ANTXR2: variants seen among roughly 807,000 people sequenced by gnomAD.
ANTXR2 encodes ANTXR cell adhesion molecule 2, also known as anthrax toxin receptor 2.
In ANTXR2, 44 loss-of-function variants were observed where a neutral mutation model predicts 73.7. The observed-to-expected ratio is 0.60, with a 90% confidence interval of 0.47 to 0.77. The LOEUF is 0.77. ANTXR2 is among the 30% of genes least tolerant of loss of function. The pLI is 0.00. For missense variants in ANTXR2, 604 were observed against 592.5 expected (o/e 1.02, Z -0.20); for synonymous variants, 217 against 205.9 (o/e 1.05, Z -0.46).
At chr4:80,022,435 C>G (rs1013408427) in intron 10 of ANTXR2, among the ~76,000 whole-genome samples, 1 of 152,178 alleles carries the variant, frequency 6.6e-6, no homozygotes, top group African/African-American at 2.4e-5. Context: ...CTGGCACCAT[C>G]ATTAAGCTAG....
intron 16 of ANTXR2, among the ~76,000 whole-genome samples, chr4:79,954,394 ATAAT>A (rs1216050984): frequency 6.6e-6 from 1 of 152,180 alleles, no homozygotes; most frequent in Non-Finnish European, 1.5e-5. Flanking sequence ...AGATGTTTTG[ATAAT>A]TAGAGTAACA....
At chr4:80,040,286 GA>G (rs1733172857) in intron 7 of ANTXR2, among the ~76,000 whole-genome samples, 1 of 151,788 alleles carries the variant, frequency 6.6e-6, no homozygotes, top group Admixed American at 6.6e-5. Flanking sequence ...AATAAAAATT[GA>G]AAGGAAAGAA....
chr4:79,911,760 T>G (rs1243406683), intron 16 of ANTXR2, among the ~76,000 whole-genome samples: 1 of 151,976 alleles, frequency 6.6e-6, no homozygotes, highest in Non-Finnish European at 1.5e-5. Flanking sequence ...ATTTTCTTTA[T>G]TTTCTGAAAA....
At chr4:79,978,205 G>A (rs185313153) in intron 14 of ANTXR2, 31 bp from the exon 15 acceptor site, 4 of 1,603,226 alleles carry the variant, frequency 2.5e-6, no homozygotes, top group Non-Finnish European at 3.4e-6. Context: ...ACTGTTATCA[G>A]ACATAAAGTG....
At chr4:79,989,781 AC>A (rs1730376173) in intron 12 of ANTXR2, among the ~76,000 whole-genome samples, 1 of 152,240 alleles carries the variant, frequency 6.6e-6, no homozygotes, top group Non-Finnish European at 1.5e-5. Flanking sequence ...AAGTTAATCC[AC>A]CATGATCCAG....
At chr4:79,993,746 A>ACACACACACACATG (rs1730585640) in intron 12 of ANTXR2, among the ~76,000 whole-genome samples, 1 of 94,030 alleles carries the variant, frequency 1.1e-5, no homozygotes, top group Non-Finnish European at 2.1e-5. Context: ...GCAATACACC[A>ACACACACACACATG]CACACACACA....
intron 11 of ANTXR2, among the ~76,000 whole-genome samples, chr4:80,012,086 T>A (rs1731612384): frequency 6.6e-6 from 1 of 152,236 alleles, no homozygotes; most frequent in Non-Finnish European, 1.5e-5. Flanking sequence ...TAGTTATTAT[T>A]GCTGCAATCT....
intron 10 of ANTXR2, 49 bp downstream of exon 10, chr4:80,031,574 T>C: frequency 3.8e-6 from 5 of 1,300,056 alleles, no homozygotes; most frequent in African/African-American, 1.6e-5. Context: ...CATTTTCTAA[T>C]AATTTTTTAC....
At chr4:79,949,802 G>A (rs977434829) in intron 16 of ANTXR2, among the ~76,000 whole-genome samples, 44 of 152,222 alleles carry the variant, frequency 2.9e-4, no homozygotes, top group Admixed American at 2.0e-3. Context: ...GCCAAGTTCC[G>A]CCCTGAACAA....
chr4:80,014,490 C>T (rs980215636), intron 11 of ANTXR2, among the ~76,000 whole-genome samples: 2 of 151,984 alleles, frequency 1.3e-5, no homozygotes, highest in East Asian at 1.9e-4. Context: ...TGCTTGAACC[C>T]GGGAAGCAGA....
rs535800603 is a variant in ANTXR2 at position 79,923,041 on chromosome 4, T to C, written c.1429-15574A>G. On this transcript the variant is annotated intron_variant, in intron 16 of 16. Transcript: ENST00000403729. Reference sequence around the variant, plus strand: ...TGTAAGCTCCATGTTTCTTTTTCACTATCATTTAACAAGTGCTTAAAACAG... The same window carrying C: ...TGTAAGCTCCATGTTTCTTTTTCACCATCATTTAACAAGTGCTTAAAACAG... Among the ~76,000 whole-genome samples, 499 of 152,224 alleles carry C rather than the reference T, an allele frequency of 3.3e-3. 1 individual carries two copies. The highest frequency in any genetic ancestry group is 6.2e-3 in the Non-Finnish European group (423 of 67,996).
chr4:80,015,836 A>G (rs561315948), intron 11 of ANTXR2, among the ~76,000 whole-genome samples: 10 of 142,264 alleles, frequency 7.0e-5, no homozygotes, highest in African/African-American at 2.6e-4. Context: ...GAGGGAGGGA[A>G]GGAAGGAAGG....
At chr4:80,041,894 G>A (rs995506784) in intron 7 of ANTXR2, among the ~76,000 whole-genome samples, 1 of 152,016 alleles carries the variant, frequency 6.6e-6, no homozygotes, top group Non-Finnish European at 1.5e-5. Context: ...TTGATTCCAT[G>A]CCTTTGCTAT....
rs531625548 is a variant in ANTXR2 at position 79,903,163 on chromosome 4, A to T, written c.*4266T>A. 2 of 152,138 alleles carry T rather than the reference A, an allele frequency of 1.3e-5. No homozygotes were observed. The highest frequency in any genetic ancestry group is 4.8e-5 in the African/African-American group (2 of 41,490). 9.4% of individuals were successfully genotyped at this position (152,138 alleles called of 1,614,324 possible). ...GACTCTGTTTCAAAAAAAAGAAAAA[A>T]AATCTAGTCAGTGCTAAAAGGAACT... On this transcript the variant is annotated 3_prime_UTR_variant, in exon 17 of 17. Coordinates refer to ENST00000403729, the MANE Select transcript of ANTXR2 (RefSeq NM_058172.6).
rs1222688529 is a variant in ANTXR2, at chr4:80,049,233, C to A, written c.636+5039G>T. Among the ~76,000 whole-genome samples, 2 of 151,732 alleles carry A rather than the reference C, an allele frequency of 1.3e-5. 1 individual carries two copies. The highest frequency in any genetic ancestry group is 1.3e-4 in the Admixed American group (2 of 15,206). On this transcript the variant is annotated intron_variant, in intron 7 of 16. Transcript: ENST00000403729. Reference sequence around the variant, plus strand: ...ATTTTTATTCTTTCCATATTATTCACCAATCTGTGGTTTTCTTTTATTTTT... The same window carrying A: ...ATTTTTATTCTTTCCATATTATTCAACAATCTGTGGTTTTCTTTTATTTTT...
chr4:80,002,212 G>A (rs963984369), intron 12 of ANTXR2, among the ~76,000 whole-genome samples: 1 of 151,884 alleles, frequency 6.6e-6, no homozygotes, highest in South Asian at 2.1e-4. Flanking sequence ...CAAAACAGAG[G>A]TATAGATAAA....
At chr4:80,054,181 G>T in intron 7 of ANTXR2, 91 bp downstream of exon 7, 3 of 955,618 alleles carry the variant, frequency 3.1e-6, no homozygotes, top group South Asian at 3.3e-5. Context: ...TCTAGATAAT[G>T]ACCACCTGCA....
At position 80,072,738 on chromosome 4, in the gene ANTXR2, C is replaced by T. The variant is rs1374316164; in HGVS notation, c.-178G>A. ...TGACAGGGAGGGAGAGAGGGAGGTC[C>T]TGAGAGGACAAAGGGAGTCTCCGCC... is the stretch of plus-strand genomic sequence containing the variant. On this transcript the variant is annotated 5_prime_UTR_variant, in exon 1 of 17. Coordinates refer to ENST00000403729, the MANE Select transcript of ANTXR2 (RefSeq NM_058172.6). 5 of 1,330,688 alleles carry T rather than the reference C, an allele frequency of 3.8e-6. No individual in the cohort carries two copies. The highest frequency in any genetic ancestry group is 3.9e-5 in the Admixed American group (1 of 25,572). The allele number at this position is 1,330,688 out of a possible 1,614,324, so 82.4% of individuals were successfully genotyped here. A position where few individuals can be genotyped will look rare whatever the true frequency, so the allele number is the denominator to read the frequency against.
chr4:80,034,519 G>C (rs889028441), intron 8 of ANTXR2, among the ~76,000 whole-genome samples: 16 of 152,022 alleles, frequency 1.1e-4, no homozygotes, highest in Non-Finnish European at 2.1e-4. Flanking sequence ...AGTATTTGAC[G>C]GGTTATAGTT....
Sources: gnomAD v4.1 joint callset for allele counts (sites outside exome capture counted in the v4.1 genomes callset) on GRCh38, gnomAD v4.1.1 for gene constraint, MANE v1.5 for transcripts, NCBI Gene and HGNC (gene_info 2026-07-23, HGNC 2026-07-21) for gene names.